The following P2RX1 variants were observed in gnomAD, a reference collection of about 807,000 sequenced individuals.
The protein encoded by P2RX1 is purinergic receptor P2X 1.
A neutral mutation model predicts 50.3 loss-of-function variants in P2RX1; 42 were observed. The ratio of observed to expected loss-of-function variants is 0.83; its 90% CI spans 0.65 to 1.08. The LOEUF (loss-of-function observed/expected upper bound fraction) is 1.08. Ranked by LOEUF, P2RX1 falls within the 50% of genes least tolerant of loss-of-function variation. P2RX1 has a pLI of 0.00. For missense variants in P2RX1, 449 were observed against 529.0 expected, an observed-to-expected ratio of 0.85 and a Z score of 1.48; for synonymous variants, 199 against 202.6, an observed-to-expected ratio of 0.98 and a Z score of 0.15.
In P2RX1 at chr17:3,897,896, A is replaced by C. The variant is rs747564795; in HGVS notation, c.1135-17T>G. 6.2e-7 allele frequency: 1 copy of C among 1,613,914 alleles called. No homozygotes were observed. Among genetic ancestry groups the C allele is most frequent in the Non-Finnish European group, 8.5e-7 (1 of 1,179,896 alleles). On this transcript the variant is annotated splice_polypyrimidine_tract_variant and intron_variant, in intron 11 of 11. Coordinates refer to ENST00000225538, the MANE Select transcript of P2RX1 (RefSeq NM_002558.4). ...ACGCTCAGCCTGTGTACGTGGTGCA[A>C]GGGTTGGGGGATACAAGTCAGTGCT...
chr17:3,906,290 C>T (rs2056261835), intron 1 of P2RX1, among the ~76,000 whole-genome samples: 1 of 152,164 alleles, frequency 6.6e-6, no homozygotes, highest in South Asian at 2.1e-4. Flanking sequence ...CACCACCACG[C>T]CCAGCTAATT....
In P2RX1 at chr17:3,905,279, G is replaced by A. The variant is rs757045162; in HGVS notation, c.226C>T (p.Gln76Ter). 1.2e-6 allele frequency: 2 copies of A among 1,613,914 alleles called. No homozygotes were observed. The highest frequency in any genetic ancestry group is 1.7e-6 in the Non-Finnish European group (2 of 1,180,034). Residue 76 changes from glutamine to a stop codon, truncating the protein, a stop_gained, in exon 2 of 12, where the codon CAG becomes TAG. Transcript: ENST00000225538. LOFTEE classifies it high-confidence loss of function. ...ACCTGGGGGCCGAGGCCAGGGAGCT[G>A]GGTCACGGCCAGGCCCTTGAGTTTC... ...SVKLKGLAVT[Q>*]LPGLGPQVWD...
At chr17:3,909,582 C>T (rs112147065) in intron 1 of P2RX1, among the ~76,000 whole-genome samples, 3,759 of 152,152 alleles carry the variant, frequency 0.025, 165 homozygotes, top group African/African-American at 0.085. Context: ...TGTGGTGGCT[C>T]AGGCCTGCAA....
chr17:3,909,175 C>T (rs1047464315), intron 1 of P2RX1, among the ~76,000 whole-genome samples: 51 of 152,082 alleles, frequency 3.4e-4, no homozygotes, highest in Non-Finnish European at 1.0e-4. Context: ...GGACTACGGG[C>T]GCGCCCCACC....
At chr17:3,900,967 G>A (rs991710861) in intron 7 of P2RX1, among the ~76,000 whole-genome samples, 2 of 152,210 alleles carry the variant, frequency 1.3e-5, no homozygotes, top group African/African-American at 4.8e-5. Context: ...CTGAGCAACA[G>A]GAGAAGAGCT....
intron 1 of P2RX1, among the ~76,000 whole-genome samples, chr17:3,908,121 G>A (rs1194972527): frequency 1.3e-5 from 2 of 152,144 alleles, no homozygotes; most frequent in African/African-American, 4.8e-5. Flanking sequence ...GCTTCGACGT[G>A]TCTCCCAGGA....
Position 3,903,550 on chromosome 17 carries a change from C to T in P2RX1, c.605+1G>A, listed in dbSNP as rs1451359868. 5 of 1,613,972 alleles carry T rather than the reference C, an allele frequency of 3.1e-6. No individual in the cohort carries two copies. The Admixed American group carries it at 6.7e-5, about 22-fold the overall frequency. On this transcript the variant is annotated splice_donor_variant, in intron 6 of 11. Coordinates refer to ENST00000225538, the MANE Select transcript of P2RX1 (RefSeq NM_002558.4). LOFTEE classifies it high-confidence loss of function. This position sits in a 1 kb window ranked among gnomAD's most constrained non-coding sequence, Gnocchi z 4.6. The stretch of plus-strand genomic sequence containing the variant: ...CATTTCTGCCCGAATTTCCCACGCA[C>T]CTGTTGACCTTGAAGCGTGGAAAGC...
intron 7 of P2RX1, among the ~76,000 whole-genome samples, chr17:3,901,277 C>T (rs924483847): frequency 6.6e-6 from 1 of 152,216 alleles, no homozygotes; most frequent in African/African-American, 2.4e-5. Context: ...CCGTGTTAGC[C>T]AGGATGGTCT....
Position 3,903,527 on chromosome 17 carries a change from T to C in P2RX1, c.605+24A>G. The C allele has an allele frequency of 6.2e-7, 1 of 1,612,638 alleles. No individual in the cohort carries two copies. The highest frequency in any genetic ancestry group is 8.5e-7 in the Non-Finnish European group (1 of 1,178,756). Reference sequence around the variant, plus strand: ...GAGCGGCCCCGGCCAGCTGCCTGCATTTCTGCCCGAATTTCCCACGCACCT... The same window carrying C: ...GAGCGGCCCCGGCCAGCTGCCTGCACTTCTGCCCGAATTTCCCACGCACCT... On this transcript the variant is annotated intron_variant, in intron 6 of 11. Coordinates refer to ENST00000225538, the MANE Select transcript of P2RX1 (RefSeq NM_002558.4). This position sits in a 1 kb window ranked among gnomAD's most constrained non-coding sequence, Gnocchi z 4.6.
intron 1 of P2RX1, among the ~76,000 whole-genome samples, chr17:3,906,528 G>A (rs951023630): frequency 1.3e-5 from 2 of 152,222 alleles, no homozygotes; most frequent in African/African-American, 4.8e-5. Context: ...ATAGACATTA[G>A]TTGTTATTAT....
chr17:3,897,897 G>A lies in P2RX1; in HGVS notation c.1135-18C>T. On this transcript the variant is annotated intron_variant, in intron 11 of 11. Coordinates refer to ENST00000225538, the MANE Select transcript of P2RX1 (RefSeq NM_002558.4). ...CGCTCAGCCTGTGTACGTGGTGCAA[G>A]GGTTGGGGGATACAAGTCAGTGCTG... The A allele has an allele frequency of 6.2e-7, 1 of 1,613,970 alleles. No individual in the cohort carries two copies. The highest frequency in any genetic ancestry group is 1.3e-5 in the African/African-American group (1 of 75,024).
Position 3,903,551 on chromosome 17 carries a change from CT to C in P2RX1, c.604del (p.Arg202GlyfsTer8), listed in dbSNP as rs1160022995. The C allele has an allele frequency of 1.2e-6, 2 of 1,614,144 alleles. No homozygotes were observed. The highest frequency in any genetic ancestry group is 4.5e-5 in the East Asian group (2 of 44,892). ...ATTTCTGCCCGAATTTCCCACGCAC[CT>C]GTTGACCTTGAAGCGTGGAAAGCTG... Reference protein sequence around the residue: ...SISFPRFKVNRRNLVEEVNAA... With the variant: ...SISFPRFKVNXRNLVEEVNAA... On this transcript the variant is annotated frameshift_variant and splice_region_variant, in exon 6 of 12. Transcript: ENST00000225538. LOFTEE classifies it high-confidence loss of function. The surrounding 1 kb of genome is among the most constrained non-coding windows in gnomAD (Gnocchi z 4.6).
At chr17:3,915,069 TG>T (rs1347638693) in intron 1 of P2RX1, among the ~76,000 whole-genome samples, 1 of 151,902 alleles carries the variant, frequency 6.6e-6, no homozygotes, top group Non-Finnish European at 1.5e-5. Flanking sequence ...TTCGGAACCA[TG>T]GTAAAAATGG....
chr17:3,903,969 G>T lies in P2RX1; in HGVS notation c.483C>A (p.Ile161=). ...CCACCTCCACGGGGCACCAGCCAAA[G>T]ATCTCACACGTCTTCACAGTGTCGT... is the stretch of plus-strand genomic sequence containing the variant. ...AFNDTVKTCE[I]FGWCPVEVDD... is the part of the protein sequence containing the mutation. Residue 161 remains isoleucine, a synonymous_variant, in exon 5 of 12, where the codon ATC becomes ATA. Transcript: ENST00000225538. This position sits in a 1 kb window ranked among gnomAD's most constrained non-coding sequence, Gnocchi z 4.6. 9.9e-6 allele frequency: 16 copies of T among 1,614,144 alleles called. No individual in the cohort carries two copies. The highest frequency in any genetic ancestry group is 1.4e-5 in the Non-Finnish European group (16 of 1,180,000).
chr17:3,899,710 CGTG>C lies in P2RX1; in HGVS notation c.796_798del (p.His266del). 1 of 1,613,972 alleles carries C rather than the reference CGTG, an allele frequency of 6.2e-7. No individual in the cohort carries two copies. Among genetic ancestry groups the C allele is most frequent in the Non-Finnish European group, 8.5e-7 (1 of 1,179,920 alleles). ...TCATAGATGGGTCTGCAGTGCCGTA[CGTG>C]CCAGTCCAGGTCACAGTGCCAGTCG... is the stretch of plus-strand genomic sequence containing the variant. On this transcript the variant is annotated inframe_deletion, in exon 8 of 12. Coordinates refer to ENST00000225538, the MANE Select transcript of P2RX1 (RefSeq NM_002558.4).
Position 3,916,092 on chromosome 17 carries a change from A to G in P2RX1, c.134T>C (p.Ile45Thr). 6.2e-7 allele frequency: 1 copy of G among 1,613,412 alleles called. No homozygotes were observed. Among genetic ancestry groups the G allele is most frequent in the Non-Finnish European group, 8.5e-7 (1 of 1,179,956 alleles). ...AGCGGGAGGCGCCCGGACTCACCCG[A>G]TGACGTAGACCAGGACCACCAGCTG... ...LIQLVVLVYV[I>T]GWVFLYEKGY... Residue 45 changes from isoleucine to threonine, a missense_variant, in exon 1 of 12, where the codon ATC becomes ACC. By Grantham distance (89) the Ile-to-Thr change is moderately conservative (BLOSUM62 -1). Transcript: ENST00000225538.
intron 2 of P2RX1, 55 bp from the exon 3 acceptor site, chr17:3,904,984 C>T: frequency 7.8e-7 from 1 of 1,287,082 alleles, no homozygotes; most frequent in South Asian, 1.3e-5. Flanking sequence ...GGAGAAGAGC[C>T]CCAAGGGCCC....
intron 1 of P2RX1, among the ~76,000 whole-genome samples, chr17:3,910,221 C>T: frequency 6.6e-6 from 1 of 152,094 alleles, no homozygotes. Context: ...GTGATCCACC[C>T]ACCTCTGCCT....
chr17:3,900,279 C>G (rs2056113545), intron 7 of P2RX1, among the ~76,000 whole-genome samples: 1 of 151,928 alleles, frequency 6.6e-6, no homozygotes, highest in African/African-American at 2.4e-5. Context: ...GCAATGAAAC[C>G]CCGTCTCTAC....
Sources: allele counts gnomAD v4.1 joint callset (sites outside exome capture counted in the v4.1 genomes callset), GRCh38; gene constraint gnomAD v4.1.1; non-coding constraint Gnocchi (gnomAD v3.1); transcripts MANE v1.5; gene names NCBI Gene and HGNC (gene_info 2026-07-23, HGNC 2026-07-21).